Variants in UGT1A5 observed in about 807,000 individuals in gnomAD.
UGT1A5 encodes UDP-glucuronosyltransferase 1A5.
In UGT1A5, 29 loss-of-function variants were observed where a neutral mutation model predicts 40.3. The observed-to-expected ratio is 0.72, with a 90% CI of 0.54 to 0.98. UGT1A5 has a LOEUF of 0.98. Among genes scored for constraint, UGT1A5 ranks in the 50% least tolerant of loss-of-function variants. The pLI is 0.00. For synonymous variants in UGT1A5, 257 were observed against 262.5 expected, an observed-to-expected ratio of 0.98 and a Z score of 0.20; for missense variants, 678 against 677.9, an observed-to-expected ratio of 1.00 and a Z score of 0.00.
intron 1 of UGT1A5, chr2:233,748,009 C>A: frequency 1.2e-6 from 2 of 1,613,492 alleles, no homozygotes; most frequent in Non-Finnish European, 1.7e-6. Flanking sequence ...ATGGATTACC[C>A]CAGGCCGATC....
chr2:233,747,315 A>C (rs1575682403), intron 1 of UGT1A5: 2 of 1,603,160 alleles, frequency 1.2e-6, no homozygotes, highest in Non-Finnish European at 1.7e-6. Context: ...TGCTGGTGGT[A>C]CCCATTGATG....
Position 233,760,935 on chromosome 2 carries a change from C to CT in UGT1A5, c.868-6095dup. On this transcript the variant is annotated intron_variant, in intron 1 of 4. Coordinates refer to ENST00000373414, the MANE Select transcript of UGT1A5 (RefSeq NM_019078.2). ...AGCGGGTGAAGAACATGCTCATTGCCTTTTCACAGAACTTTCTGTGCGACG... is the reference window on the plus strand; with the variant it reads ...AGCGGGTGAAGAACATGCTCATTGCCTTTTTCACAGAACTTTCTGTGCGACG... 6.2e-7 allele frequency: 1 copy of CT among 1,614,200 alleles called. No individual in the cohort carries two copies. Among genetic ancestry groups the CT allele is most frequent in the Non-Finnish European group, 8.5e-7 (1 of 1,180,050 alleles).
At chr2:233,724,380 G>A (rs868115518) in intron 1 of UGT1A5, among the ~76,000 whole-genome samples, 4,371 of 138,732 alleles carry the variant, frequency 0.032, 38 homozygotes, top group African/African-American at 0.047. Flanking sequence ...GCTGCCGGGC[G>A]GAGACGCTCC....
At chr2:233,767,218 C>T (rs1699339085) in intron 2 of UGT1A5, 53 bp downstream of exon 2, 14 of 1,611,886 alleles carry the variant, frequency 8.7e-6, no homozygotes, top group East Asian at 2.2e-5. Context: ...GAGCGCTAAT[C>T]CCAGACTTCC....
chr2:233,743,212 C>A, intron 1 of UGT1A5: 1 of 401,146 alleles, frequency 2.5e-6, no homozygotes, highest in Admixed American at 3.1e-5. Context: ...TGCGGAGTAA[C>A]TGCTCTTTGC....
rs183860423 is a variant in UGT1A5 at position 233,740,220 on chromosome 2, G to A, written c.867+26362G>A. On this transcript the variant is annotated intron_variant, in intron 1 of 4. Transcript: ENST00000373414. ...TTATAAATTACCCAGTCTCAGCTGC[G>A]TCTTTATAGCAGGCTGAGAATAGAC... 6.2e-3 allele frequency among the ~76,000 whole-genome samples: 938 copies of A among 151,912 alleles called. 14 individuals are homozygous for A. The highest frequency in any genetic ancestry group is 5.9e-3 in the Non-Finnish European group (404 of 68,030).
chr2:233,744,270 A>G (rs1372853090), intron 1 of UGT1A5, among the ~76,000 whole-genome samples: 1 of 151,776 alleles, frequency 6.6e-6, no homozygotes, highest in Non-Finnish European at 1.5e-5. Flanking sequence ...TTCTTAAAGT[A>G]GGCTTTATAT....
chr2:233,770,723 A>G (rs1412747955), intron 4 of UGT1A5: 1 of 152,146 alleles, frequency 6.6e-6, no homozygotes, highest in African/African-American at 2.4e-5. Context: ...AAGGAAGATG[A>G]TATTTAACAT....
At chr2:233,764,706 G>C (rs1698626413) in intron 1 of UGT1A5, among the ~76,000 whole-genome samples, 1 of 152,180 alleles carries the variant, frequency 6.6e-6, no homozygotes, top group Non-Finnish European at 1.5e-5. Context: ...AATGAGCTGT[G>C]TCTCCCCAAG....
At chr2:233,718,622 T>C (rs2125661272) in intron 1 of UGT1A5, 2 of 893,490 alleles carry the variant, frequency 2.2e-6, no homozygotes, top group Non-Finnish European at 2.7e-6. Flanking sequence ...TAGGCGTGAT[T>C]GGTCTTTCCC....
intron 1 of UGT1A5, among the ~76,000 whole-genome samples, chr2:233,750,359 T>C (rs1390894315): frequency 6.6e-6 from 1 of 151,860 alleles, no homozygotes; most frequent in Non-Finnish European, 1.5e-5. Context: ...AACTTATGTT[T>C]AAAAGGGAAG....
intron 1 of UGT1A5, among the ~76,000 whole-genome samples, chr2:233,724,704 C>T (rs867669613): frequency 2.8e-5 from 4 of 144,994 alleles, no homozygotes; most frequent in Non-Finnish European, 6.0e-5. Flanking sequence ...AGACGCTCCT[C>T]GCTTTCCAGA....
rs200041554 is a variant in UGT1A5, at chr2:233,772,747, T to C, written c.*188T>C. The C allele has an allele frequency of 7.0e-7, 1 of 1,423,162 alleles. No individual in the cohort carries two copies. Among genetic ancestry groups the C allele is most frequent in the South Asian group, 1.5e-5 (1 of 67,222 alleles). The allele number at this position is 1,423,162 out of a possible 1,614,324, so 88.2% of individuals were successfully genotyped here. A position where few individuals can be genotyped will look rare whatever the true frequency, so the allele number is the denominator to read the frequency against. On this transcript the variant is annotated 3_prime_UTR_variant, in exon 5 of 5. Coordinates refer to ENST00000373414, the MANE Select transcript of UGT1A5 (RefSeq NM_019078.2). ...TAGACTCGCTAGTCAGTAAAGATAT[T>C]TGAATATGTATCGTGCCCCCTCTGG...
intron 1 of UGT1A5, among the ~76,000 whole-genome samples, chr2:233,724,643 C>T (rs1474799559): frequency 2.1e-5 from 3 of 141,252 alleles, no homozygotes; most frequent in Non-Finnish European, 3.1e-5. Flanking sequence ...GATGTGATGG[C>T]GGCTGGGAAG....
intron 1 of UGT1A5, among the ~76,000 whole-genome samples, chr2:233,740,219 C>T (rs1379344559): frequency 6.6e-6 from 1 of 151,748 alleles, no homozygotes; most frequent in African/African-American, 2.4e-5. Context: ...GTCTCAGCTG[C>T]GTCTTTATAG....
At position 233,768,333 on chromosome 2, in the gene UGT1A5, A is replaced by C. The variant is rs28934877; in HGVS notation, c.1201A>C (p.Asn401His). The change falls in exon 4 of 5, where the codon AAT becomes CAT. Residue 401 changes from asparagine (N) to histidine (H), a missense_variant. By Grantham distance (68) the Asn-to-His change is moderately conservative. Transcript: ENST00000373414. ...GCCCTTGTTTGGTGATCAGATGGAC[A>C]ATGCAAAGCGCATGGAGACTAAGGG... Reference protein sequence around the residue: ...MMPLFGDQMDNAKRMETKGAG... With the variant: ...MMPLFGDQMDHAKRMETKGAG... The C allele has an allele frequency of 3.7e-6, 6 of 1,614,220 alleles. 1 individual carries two copies. In the East Asian group the frequency reaches 1.1e-4, roughly 30 times the overall value.
chr2:233,754,116 G>C (rs1358690649), intron 1 of UGT1A5, among the ~76,000 whole-genome samples: 1 of 152,172 alleles, frequency 6.6e-6, no homozygotes, highest in Non-Finnish European at 1.5e-5. Flanking sequence ...TACATCACGA[G>C]CATTTATGTG....
intron 1 of UGT1A5, chr2:233,754,955 G>A (rs767638744): frequency 7.6e-6 from 10 of 1,314,252 alleles, no homozygotes; most frequent in South Asian, 1.1e-5. Context: ...GGTCCCGGCC[G>A]CCAAAGAACT....
intron 1 of UGT1A5, chr2:233,743,409 A>G: frequency 7.6e-7 from 1 of 1,312,950 alleles, no homozygotes; most frequent in Non-Finnish European, 1.0e-6. Context: ...AAAGGCCCCC[A>G]CTTCCCAGGG....
Sources: gnomAD v4.1 joint callset for allele counts (sites outside exome capture counted in the v4.1 genomes callset) on GRCh38, gnomAD v4.1.1 for gene constraint, MANE v1.5 for transcripts, NCBI Gene and HGNC (gene_info 2026-07-23, HGNC 2026-07-21) for gene names.